Variants in TFAP2E observed in about 807,000 individuals in gnomAD.
TFAP2E encodes transcription factor AP-2-epsilon.
A neutral mutation model predicts 37.9 loss-of-function variants in TFAP2E; 30 were observed. The observed-to-expected ratio is 0.79, with a 90% CI of 0.59 to 1.07. TFAP2E has a LOEUF of 1.07. Ranked by LOEUF, TFAP2E falls within the 50% of genes least tolerant of loss-of-function variation. The probability of loss-of-function intolerance (pLI) is 0.00; values close to 1 mark genes in which losing one functional copy is unlikely to be tolerated. For synonymous variants in TFAP2E, 318 were observed against 295.8 expected (o/e 1.08, Z -0.77); for missense variants, 567 against 637.9 (o/e 0.89, Z 1.20).
At position 35,574,082 on chromosome 1, in the gene TFAP2E, G is replaced by C; in HGVS notation, c.183G>C (p.Gln61His). 1 of 1,477,532 alleles carries C rather than the reference G, an allele frequency of 6.8e-7. No individual in the cohort carries two copies. Among genetic ancestry groups the C allele is most frequent in the East Asian group, 2.9e-5 (1 of 33,922 alleles). 91.5% of individuals were successfully genotyped at this position (1,477,532 alleles called of 1,614,324 possible). A position where few individuals can be genotyped will look rare whatever the true frequency, so the allele number is the denominator to read the frequency against. The change falls in exon 2 of 7, where the codon CAG (glutamine) becomes CAC (histidine). Residue 61 changes from glutamine to histidine, a missense_variant. By Grantham distance (24) the Gln-to-His change is conservative. Transcript: ENST00000373235. ...CCTACTTCCCGCCGCCCTACCCGCA[G>C]CCACCGCTGCCCTACGGTCAGGCGC... ...QPPYFPPPYP[Q>H]PPLPYGQAPD...
At position 35,573,839 on chromosome 1, in the gene TFAP2E, G is replaced by A; in HGVS notation, c.28-88G>A. On this transcript the variant is annotated intron_variant, in intron 1 of 6. Transcript: ENST00000373235. The surrounding 1 kb of genome is among the most constrained non-coding windows in gnomAD (Gnocchi z 5.9). ...CCAAGAAACGGGAGGGACTGCAGCT[G>A]AACCCTCCCGAGCTGAGGAGGATCC... 2.2e-6 allele frequency: 3 copies of A among 1,390,760 alleles called. No homozygotes were observed. Among genetic ancestry groups the A allele is most frequent in the Non-Finnish European group, 2.8e-6 (3 of 1,076,040 alleles). The allele number at this position is 1,390,760 out of a possible 1,614,324, so 86.2% of individuals were successfully genotyped here.
At chr1:35,587,653 A>AAAAAAAG (rs796133136) in intron 3 of TFAP2E, among the ~76,000 whole-genome samples, 40 of 147,770 alleles carry the variant, frequency 2.7e-4, no homozygotes, top group East Asian at 1.4e-3. Context: ...AAAAAAAAAA[A>AAAAAAAG]AAAGAAAGAA....
In TFAP2E at chr1:35,577,727, C is replaced by T. The variant is rs114485637; in HGVS notation, c.562+2727C>T. Reference sequence around the variant, plus strand: ...GCAGAGGCACCTGGAGCTCGCAGGGCCCAGACCTGGGTTGGAAAAGCTTCG... The same window carrying T: ...GCAGAGGCACCTGGAGCTCGCAGGGTCCAGACCTGGGTTGGAAAAGCTTCG... On this transcript the variant is annotated intron_variant, in intron 3 of 6. Coordinates refer to ENST00000373235, the MANE Select transcript of TFAP2E (RefSeq NM_178548.4). This position sits in a 1 kb window ranked among gnomAD's most constrained non-coding sequence, Gnocchi z 6.3. 0.011 allele frequency: 3,087 copies of T among 273,372 alleles called. 113 individuals are homozygous for T. The highest frequency in any genetic ancestry group is 0.062 in the African/African-American group (2,786 of 44,984). 16.9% of individuals were successfully genotyped at this position (273,372 alleles called of 1,614,324 possible). A position where few individuals can be genotyped will look rare whatever the true frequency, so the allele number is the denominator to read the frequency against.
intron 3 of TFAP2E, among the ~76,000 whole-genome samples, chr1:35,578,475 C>A (rs1649247411): frequency 6.6e-6 from 1 of 151,410 alleles, no homozygotes; most frequent in Non-Finnish European, 1.5e-5. Context: ...TCAGGTTATA[C>A]AATCAGAGCT....
downstream of TFAP2E, among the ~76,000 whole-genome samples, chr1:35,595,528 C>T (rs1353373311): frequency 1.3e-5 from 2 of 152,104 alleles, no homozygotes; most frequent in African/African-American, 4.8e-5. Flanking sequence ...TTATTTTGCC[C>T]CTGCAGTTGA....
intron 3 of TFAP2E, among the ~76,000 whole-genome samples, chr1:35,583,458 T>C (rs2148549587): frequency 6.6e-6 from 1 of 152,268 alleles, no homozygotes; most frequent in South Asian, 2.1e-4. Context: ...TGTTTTCTTC[T>C]AGAAAAAACT....
chr1:35,584,370 T>G (rs1430576881), intron 3 of TFAP2E, among the ~76,000 whole-genome samples: 2 of 152,098 alleles, frequency 1.3e-5, no homozygotes, highest in African/African-American at 4.8e-5. Flanking sequence ...CCCAAAGTGT[T>G]GGGATTACAG....
chr1:35,582,831 TTAA>T (rs1023778582), intron 3 of TFAP2E, among the ~76,000 whole-genome samples: 1 of 152,142 alleles, frequency 6.6e-6, no homozygotes, highest in Admixed American at 6.6e-5. Context: ...TGCTATTTTC[TTAA>T]TAATATCTTT....
At position 35,580,700 on chromosome 1, in the gene TFAP2E, G is replaced by A. The variant is rs529831934; in HGVS notation, c.562+5700G>A. Among the ~76,000 whole-genome samples, 1,203 of 152,050 alleles carry A rather than the reference G, an allele frequency of 7.9e-3. 7 individuals are homozygous for A. Among genetic ancestry groups the A allele is most frequent in the South Asian group, 0.014 (65 of 4,814 alleles). On this transcript the variant is annotated intron_variant, in intron 3 of 6. Coordinates refer to ENST00000373235, the MANE Select transcript of TFAP2E (RefSeq NM_178548.4). ...TGAGGCAGGAGAATGGCGTGAACCC[G>A]GGAGGCGGAGCTTGCAGTGAGCTGA...
rs1291898048 is a variant in TFAP2E, at chr1:35,577,112, C to A, written c.562+2112C>A. ...ACCTGAGCGGAGACTGCGCCCTGGA[C>A]GCCCCAGCCTAGACGTCAAGTTACA... On this transcript the variant is annotated intron_variant, in intron 3 of 6. Coordinates refer to ENST00000373235, the MANE Select transcript of TFAP2E (RefSeq NM_178548.4). The surrounding 1 kb of genome is among the most constrained non-coding windows in gnomAD (Gnocchi z 6.3). Among the ~76,000 whole-genome samples the A allele has an allele frequency of 1.3e-5, 2 of 152,212 alleles. No homozygotes were observed. The highest frequency in any genetic ancestry group is 4.8e-5 in the African/African-American group (2 of 41,468).
Position 35,588,532 on chromosome 1 carries a change from C to T in TFAP2E, c.765C>T (p.Leu255=), listed in dbSNP as rs1418361945. The T allele has an allele frequency of 1.6e-5, 25 of 1,592,356 alleles. No homozygotes were observed. The highest frequency in any genetic ancestry group is 2.1e-5 in the Non-Finnish European group (25 of 1,167,900). Residue 255 remains leucine, a synonymous_variant, in exon 4 of 7, where the codon CTC becomes CTT. Coordinates refer to ENST00000373235, the MANE Select transcript of TFAP2E (RefSeq NM_178548.4). The surrounding 1 kb of genome is among the most constrained non-coding windows in gnomAD (Gnocchi z 5.1). ...CTCCCGAGTGCCTCAACGCCTCCCT[C>T]CTGGGGGGTGTCCTCCGCAGGTAGG... ...LSPPECLNAS[L]LGGVLRRAKS...
chr1:35,574,547 G>A lies in TFAP2E; in HGVS notation c.510+138G>A, dbSNP rs570276460. The A allele has an allele frequency of 1.1e-5, 14 of 1,333,090 alleles. No homozygotes were observed. The East Asian group carries it at 3.6e-4, about 34-fold the overall frequency. 82.6% of individuals were successfully genotyped at this position (1,333,090 alleles called of 1,614,324 possible). On this transcript the variant is annotated intron_variant, in intron 2 of 6. Coordinates refer to ENST00000373235, the MANE Select transcript of TFAP2E (RefSeq NM_178548.4). Reference sequence around the variant, plus strand: ...ATCTCACTGGTGACTCCGAGGATGTGTCCCACCTCCTGGGTTAGACGTTGC... The same window carrying A: ...ATCTCACTGGTGACTCCGAGGATGTATCCCACCTCCTGGGTTAGACGTTGC...
rs376245233 is a variant in TFAP2E at position 35,590,759 on chromosome 1, A to G, written c.1030A>G (p.Met344Val). 9 of 1,469,788 alleles carry G rather than the reference A, an allele frequency of 6.1e-6. No individual in the cohort carries two copies. The African/African-American group carries it at 7.0e-5, about 11-fold the overall frequency. The allele number at this position is 1,469,788 out of a possible 1,614,324, so 91.0% of individuals were successfully genotyped here. Reference sequence around the variant, plus strand: ...GGGGGAGCTGCACAGCCGCAAGAGCATGCTGCTGGCTGCCAAGTGAGTGAG... The same window carrying G: ...GGGGGAGCTGCACAGCCGCAAGAGCGTGCTGCTGGCTGCCAAGTGAGTGAG... ...DPGELHSRKS[M>V]LLAAKQICKE... The change falls in exon 6 of 7, where the codon ATG becomes GTG. Residue 344 changes from methionine (M) to valine (V), a missense_variant. Physicochemically the swap from Met to Val is conservative, Grantham distance 21. Transcript: ENST00000373235. The surrounding 1 kb of genome is among the most constrained non-coding windows in gnomAD (Gnocchi z 6.2).
Position 35,573,340 on chromosome 1 carries a change from C to T in TFAP2E, c.-238C>T, listed in dbSNP as rs529949052. 94 of 458,674 alleles carry T rather than the reference C, an allele frequency of 2.0e-4. No homozygotes were observed. Among genetic ancestry groups the T allele is most frequent in the Admixed American group, 7.1e-4 (16 of 22,538 alleles). 28.4% of individuals were successfully genotyped at this position (458,674 alleles called of 1,614,324 possible). A position where few individuals can be genotyped will look rare whatever the true frequency, so the allele number is the denominator to read the frequency against. On this transcript the variant is annotated 5_prime_UTR_variant, in exon 1 of 7. Coordinates refer to ENST00000373235, the MANE Select transcript of TFAP2E (RefSeq NM_178548.4). This position sits in a 1 kb window ranked among gnomAD's most constrained non-coding sequence, Gnocchi z 5.9. ...GAGGAGGAAGGGCGGGCGCTGGGCA[C>T]CCGTTGACCGACTTTTCCAAGTGCG... is the stretch of plus-strand genomic sequence containing the variant.
intron 2 of TFAP2E, chr1:35,574,741 A>G: frequency 4.4e-6 from 3 of 688,736 alleles, no homozygotes; most frequent in African/African-American, 1.8e-5. Flanking sequence ...GTAAGATTCA[A>G]AATTCCCTTT....
rs1649619259 is a variant in TFAP2E at position 35,590,267 on chromosome 1, A to C, written c.904+219A>C. ...GTGCATGCATGTGCAATGGAGACCT[A>C]CTTGCAGTGTGCGGATGTGTATGTG... On this transcript the variant is annotated intron_variant, in intron 5 of 6. Transcript: ENST00000373235. This position sits in a 1 kb window ranked among gnomAD's most constrained non-coding sequence, Gnocchi z 6.2. Among the ~76,000 whole-genome samples the C allele has an allele frequency of 6.6e-6, 1 of 152,030 alleles. No individual in the cohort carries two copies. Among genetic ancestry groups the C allele is most frequent in the African/African-American group, 2.4e-5 (1 of 41,352 alleles).
Position 35,577,124 on chromosome 1 carries a change from G to A in TFAP2E, c.562+2124G>A, listed in dbSNP as rs1229695190. Among the ~76,000 whole-genome samples the A allele has an allele frequency of 1.3e-5, 2 of 152,238 alleles. No individual in the cohort carries two copies. Among genetic ancestry groups the A allele is most frequent in the African/African-American group, 4.8e-5 (2 of 41,468 alleles). On this transcript the variant is annotated intron_variant, in intron 3 of 6. Transcript: ENST00000373235. The surrounding 1 kb of genome is among the most constrained non-coding windows in gnomAD (Gnocchi z 6.3). ...ACTGCGCCCTGGACGCCCCAGCCTA[G>A]ACGTCAAGTTACAGCCCGCGCAGCA...
rs1323662029 is a variant in TFAP2E, at chr1:35,573,997, G to A, written c.98G>A (p.Gly33Glu). ...RLSSLPQAAY[G>E]PAPPLCHTPA... ...TCGTCTCTGCCCCAGGCGGCCTACGGGCCGGCGCCCCCGCTCTGCCACACG... is the reference window on the plus strand; with the variant it reads ...TCGTCTCTGCCCCAGGCGGCCTACGAGCCGGCGCCCCCGCTCTGCCACACG... Residue 33 changes from glycine (G) to glutamate (E), a missense_variant, in exon 2 of 7, where the codon GGG (glycine) becomes GAG (glutamate). Gly to Glu is a moderately conservative substitution (Grantham distance 98). Transcript: ENST00000373235. This position sits in a 1 kb window ranked among gnomAD's most constrained non-coding sequence, Gnocchi z 5.9. 2.7e-6 allele frequency: 4 copies of A among 1,485,608 alleles called. No homozygotes were observed. Among genetic ancestry groups the A allele is most frequent in the Non-Finnish European group, 3.5e-6 (4 of 1,126,806 alleles). 92.0% of individuals were successfully genotyped at this position (1,485,608 alleles called of 1,614,324 possible).
At position 35,574,376 on chromosome 1, in the gene TFAP2E, G is replaced by T; in HGVS notation, c.477G>T (p.Gly159=). Residue 159 remains glycine, a synonymous_variant, in exon 2 of 7, where the codon GGG becomes GGT. Coordinates refer to ENST00000373235, the MANE Select transcript of TFAP2E (RefSeq NM_178548.4). ...CAGACGCACCTCTCGGCCTTCCGGG[G>T]CTGGCGGCGGCCCCCGGTCTGGAGG... is the stretch of plus-strand genomic sequence containing the variant. ...GLADAPLGLP[G]LAAAPGLEDL... 1 of 1,440,376 alleles carries T rather than the reference G, an allele frequency of 6.9e-7. No individual in the cohort carries two copies. The highest frequency in any genetic ancestry group is 9.0e-7 in the Non-Finnish European group (1 of 1,109,264). 89.2% of individuals were successfully genotyped at this position (1,440,376 alleles called of 1,614,324 possible). A position where few individuals can be genotyped will look rare whatever the true frequency, so the allele number is the denominator to read the frequency against.
Sources: allele counts gnomAD v4.1 joint callset (sites outside exome capture counted in the v4.1 genomes callset), GRCh38; gene constraint gnomAD v4.1.1; non-coding constraint Gnocchi (gnomAD v3.1); transcripts MANE v1.5; gene names NCBI Gene and HGNC (gene_info 2026-07-23, HGNC 2026-07-21).